TRERF1: variants seen among roughly 807,000 people sequenced by gnomAD.
TRERF1 encodes transcriptional-regulating factor 1.
In TRERF1, 27 loss-of-function variants were observed where a neutral mutation model predicts 122.9. The ratio of observed to expected loss-of-function variants is 0.22; its 90% CI spans 0.16 to 0.30. TRERF1 has a LOEUF of 0.30. TRERF1 is among the 10% of genes least tolerant of loss of function. TRERF1 has a pLI of 1.00. For synonymous variants in TRERF1, 636 were observed against 641.7 expected, an observed-to-expected ratio of 0.99 and a Z score of 0.13; for missense variants, 1,248 against 1,560.3, an observed-to-expected ratio of 0.80 and a Z score of 3.37.
intron 2 of TRERF1, among the ~76,000 whole-genome samples, chr6:42,366,917 C>T (rs1772847014): frequency 6.6e-6 from 1 of 152,106 alleles, no homozygotes; most frequent in South Asian, 2.1e-4. Context: ...TGAGAGAAAA[C>T]CACAGGTTTC....
In TRERF1 at chr6:42,299,150, A is replaced by ATC. The variant is rs70987590; in HGVS notation, c.-259+1486_-259+1487dup. 1.3e-3 allele frequency among the ~76,000 whole-genome samples: 169 copies of ATC among 133,250 alleles called. 1 individual carries two copies. In the East Asian group the frequency reaches 0.022, roughly 17 times the overall value. The allele number at this position is 133,250 out of a possible 152,430, so 87.4% of individuals were successfully genotyped here. A position where few individuals can be genotyped will look rare whatever the true frequency, so the allele number is the denominator to read the frequency against. On this transcript the variant is annotated intron_variant, in intron 4 of 17. Coordinates refer to ENST00000372922, the Ensembl canonical transcript of TRERF1. Reference sequence around the variant, plus strand: ...TCTATCTATCTACATATATATATATATCTAGCTAGCTGGATAACCCCTGAA... The same window carrying ATC: ...TCTATCTATCTACATATATATATATATCTCTAGCTAGCTGGATAACCCCTGAA...
intron 16 of TRERF1, 41 bp downstream of exon 16, chr6:42,236,164 C>T (rs759305513): frequency 5.2e-6 from 8 of 1,529,046 alleles, no homozygotes; most frequent in African/African-American, 1.4e-5. Flanking sequence ...CTATATGGCT[C>T]TCACTTGTCC....
intron 3 of TRERF1, among the ~76,000 whole-genome samples, chr6:42,356,304 A>G (rs749959559): frequency 6.6e-6 from 1 of 152,204 alleles, no homozygotes; most frequent in Admixed American, 6.5e-5. Flanking sequence ...CTAAACCCCA[A>G]TGGGATGCCA....
At chr6:42,244,643 A>G (rs1205734012) in intron 14 of TRERF1, among the ~76,000 whole-genome samples, 2 of 152,162 alleles carry the variant, frequency 1.3e-5, no homozygotes, top group Non-Finnish European at 2.9e-5. Context: ...TTACAGACTT[A>G]CTCATTTTTT....
At chr6:42,340,997 A>C (rs1055959960) in intron 3 of TRERF1, among the ~76,000 whole-genome samples, 2 of 152,228 alleles carry the variant, frequency 1.3e-5, no homozygotes, top group African/African-American at 4.8e-5. Flanking sequence ...CCAAGGGCCC[A>C]TCATTTCTTC....
intron 2 of TRERF1, among the ~76,000 whole-genome samples, chr6:42,404,540 G>C (rs1212180011): frequency 6.6e-6 from 1 of 151,864 alleles, no homozygotes; most frequent in Non-Finnish European, 1.5e-5. Flanking sequence ...CTGACTCCAA[G>C]AAGCACGGCT....
intron 7 of TRERF1, 144 bp downstream of exon 7, chr6:42,264,560 C>T (rs558552829): frequency 8.2e-5 from 107 of 1,312,318 alleles, no homozygotes; most frequent in Non-Finnish European, 1.0e-4. Context: ...TGGCTCCCAG[C>T]GCCAAAGCCT....
At chr6:42,441,725 C>T (rs1786553017) in intron 2 of TRERF1, among the ~76,000 whole-genome samples, 1 of 152,004 alleles carries the variant, frequency 6.6e-6, no homozygotes, top group African/African-American at 2.4e-5. Context: ...ACAGCACTAA[C>T]TAGTGTCAGG....
intron 3 of TRERF1, among the ~76,000 whole-genome samples, chr6:42,355,637 G>A (rs1770387907): frequency 6.6e-6 from 1 of 152,168 alleles, no homozygotes; most frequent in Non-Finnish European, 1.5e-5. Context: ...GAGTTTAAAA[G>A]GATTTTCAAA....
At chr6:42,236,054 A>G (rs929906647) in intron 16 of TRERF1, 151 bp downstream of exon 16, 2 of 1,281,520 alleles carry the variant, frequency 1.6e-6, no homozygotes, top group Admixed American at 3.2e-5. Flanking sequence ...TGTTGGCCAA[A>G]TGAAGCAGAA....
At chr6:42,302,902 T>C (rs1786476671) in intron 3 of TRERF1, among the ~76,000 whole-genome samples, 1 of 152,210 alleles carries the variant, frequency 6.6e-6, no homozygotes, top group Non-Finnish European at 1.5e-5. Flanking sequence ...CTGCTTGTCT[T>C]ATGGGCAAGA....
At chr6:42,424,250 C>CA (rs1261693728) in intron 2 of TRERF1, among the ~76,000 whole-genome samples, 1 of 152,106 alleles carries the variant, frequency 6.6e-6, no homozygotes, top group African/African-American at 2.4e-5. Context: ...ATTGTATACC[C>CA]AGAAGTGGAA....
chr6:42,234,185 G>A (rs193268490), intron 16 of TRERF1, among the ~76,000 whole-genome samples: 40 of 152,260 alleles, frequency 2.6e-4, no homozygotes, highest in African/African-American at 8.4e-4. Flanking sequence ...CAGAACCACC[G>A]CTATAAAGGG....
chr6:42,350,171 G>C (rs559127478), intron 3 of TRERF1, among the ~76,000 whole-genome samples: 36 of 152,190 alleles, frequency 2.4e-4, no homozygotes, highest in African/African-American at 7.9e-4. Context: ...ATGCAAAAGA[G>C]GCCTCACTGA....
chr6:42,431,045 G>GC (rs1455763783), intron 2 of TRERF1, among the ~76,000 whole-genome samples: 2 of 147,138 alleles, frequency 1.4e-5, no homozygotes, highest in Non-Finnish European at 3.0e-5. Flanking sequence ...GGGTGACAGA[G>GC]CAAGACTCAG....
intron 3 of TRERF1, among the ~76,000 whole-genome samples, chr6:42,301,087 T>C (rs1412293925): frequency 1.3e-5 from 2 of 152,170 alleles, no homozygotes; most frequent in African/African-American, 4.8e-5. Context: ...CATTATAATA[T>C]CATTTGCTAA....
chr6:42,438,616 A>G (rs1785907388), intron 2 of TRERF1, among the ~76,000 whole-genome samples: 1 of 113,072 alleles, frequency 8.8e-6, no homozygotes, highest in Non-Finnish European at 2.4e-5. Context: ...TCTCAAAAAA[A>G]AAAAAGAAAA....
At chr6:42,271,809 T>A (rs1267420853) in intron 4 of TRERF1, among the ~76,000 whole-genome samples, 1 of 152,222 alleles carries the variant, frequency 6.6e-6, no homozygotes, top group Non-Finnish European at 1.5e-5. Flanking sequence ...GTTTCAACTT[T>A]ATATAAAATT....
chr6:42,296,094 C>T (rs909069955), intron 4 of TRERF1, among the ~76,000 whole-genome samples: 1 of 152,140 alleles, frequency 6.6e-6, no homozygotes, highest in Admixed American at 6.5e-5. Context: ...CACAGTGAGT[C>T]CACGCAGCCC....
Sources: allele counts gnomAD v4.1 joint callset (sites outside exome capture counted in the v4.1 genomes callset), GRCh38; gene constraint gnomAD v4.1.1; transcripts MANE v1.5; gene names NCBI Gene and HGNC (gene_info 2026-07-23, HGNC 2026-07-21).